CCDC60: variants seen among roughly 807,000 people sequenced by gnomAD.
The protein encoded by CCDC60 is coiled-coil domain-containing protein 60.
CCDC60 carries 54 observed loss-of-function variants against 63.5 expected under a neutral mutation model. The observed-to-expected ratio is 0.85, with a 90% CI of 0.68 to 1.07. CCDC60 has a LOEUF of 1.07. Ranked by LOEUF, CCDC60 falls within the 50% of genes least tolerant of loss-of-function variation. CCDC60 has a pLI of 0.00. For synonymous variants in CCDC60, 206 were observed against 238.8 expected, an observed-to-expected ratio of 0.86 and a Z score of 1.27; for missense variants, 651 against 684.3, an observed-to-expected ratio of 0.95 and a Z score of 0.54.
intron 2 of CCDC60, among the ~76,000 whole-genome samples, chr12:119,430,077 G>A (rs1266039874): frequency 6.6e-6 from 1 of 151,818 alleles, no homozygotes; most frequent in Non-Finnish European, 1.5e-5. Context: ...GAAAGATCTG[G>A]GATGTATTTC....
At chr12:119,508,479 C>CA (rs536569469) in intron 7 of CCDC60, among the ~76,000 whole-genome samples, 9,073 of 136,238 alleles carry the variant, frequency 0.067, 563 homozygotes, top group African/African-American at 0.18. Context: ...GACTCTGTCT[C>CA]AAAAAAAAAA....
At position 119,523,836 on chromosome 12, in the gene CCDC60, T is replaced by A. The variant is rs1290237397; in HGVS notation, c.1229+18T>A. 3.1e-6 allele frequency: 5 copies of A among 1,612,946 alleles called. No homozygotes were observed. The East Asian group carries it at 8.9e-5, about 29-fold the overall frequency. ...CTCATGAAGTAAGCGCACATATATA[T>A]CCATTCATTCAAACAGCATTCACTG... On this transcript the variant is annotated intron_variant, in intron 11 of 13. Transcript: ENST00000327554.
chr12:119,476,619 T>A (rs891507831), intron 3 of CCDC60, among the ~76,000 whole-genome samples: 2 of 152,208 alleles, frequency 1.3e-5, no homozygotes, highest in African/African-American at 2.4e-5. Flanking sequence ...AGCTAAGTGA[T>A]CTTTTCAAAA....
At chr12:119,398,363 G>T (rs1445904739) in intron 1 of CCDC60, among the ~76,000 whole-genome samples, 1 of 152,116 alleles carries the variant, frequency 6.6e-6, no homozygotes, top group Admixed American at 6.5e-5. Context: ...CGCCCACCCG[G>T]AACTCGTGCT....
At chr12:119,533,306 T>C (rs758007960) in intron 13 of CCDC60, among the ~76,000 whole-genome samples, 1 of 152,208 alleles carries the variant, frequency 6.6e-6, no homozygotes, top group Non-Finnish European at 1.5e-5. Context: ...TCCTTGTAGA[T>C]TCTAGATATT....
At chr12:119,494,392 C>T (rs1273683057) in intron 5 of CCDC60, among the ~76,000 whole-genome samples, 1 of 152,184 alleles carries the variant, frequency 6.6e-6, no homozygotes, top group East Asian at 1.9e-4. Flanking sequence ...GGCTCGAGTC[C>T]CCAGAGTCCT....
At chr12:119,423,398 C>T (rs1019508363) in intron 1 of CCDC60, among the ~76,000 whole-genome samples, 3 of 152,216 alleles carry the variant, frequency 2.0e-5, no homozygotes, top group African/African-American at 7.2e-5. Context: ...TGCTTTCACT[C>T]TCATTTCCAT....
intron 12 of CCDC60, among the ~76,000 whole-genome samples, chr12:119,529,074 TAC>T (rs1383118669): frequency 1.3e-5 from 2 of 152,204 alleles, no homozygotes; most frequent in Non-Finnish European, 2.9e-5. Flanking sequence ...TGAAAATTTC[TAC>T]AGATTCTGAG....
intron 3 of CCDC60, among the ~76,000 whole-genome samples, 183 bp downstream of exon 3, chr12:119,472,347 T>G (rs1289543571): frequency 6.6e-6 from 1 of 152,148 alleles, no homozygotes; most frequent in Non-Finnish European, 1.5e-5. Flanking sequence ...TGGTATTCGC[T>G]GGAACATCTT....
chr12:119,336,171 C>T (rs1955468968), intron 1 of CCDC60, among the ~76,000 whole-genome samples: 1 of 151,406 alleles, frequency 6.6e-6, no homozygotes, highest in African/African-American at 2.4e-5. Flanking sequence ...GTGCAGCACA[C>T]CAGCATGGCA....
intron 1 of CCDC60, among the ~76,000 whole-genome samples, chr12:119,421,074 G>A (rs1376463191): frequency 6.6e-6 from 1 of 152,016 alleles, no homozygotes; most frequent in African/African-American, 2.4e-5. Context: ...CATCCCAGCT[G>A]TTTCCCTGAT....
At chr12:119,539,364 G>A (rs1022083316) in intron 13 of CCDC60, among the ~76,000 whole-genome samples, 1 of 152,256 alleles carries the variant, frequency 6.6e-6, no homozygotes, top group African/African-American at 2.4e-5. Flanking sequence ...TGGGGCTGCT[G>A]CCTTTCTTTC....
intron 1 of CCDC60, among the ~76,000 whole-genome samples, chr12:119,353,787 G>T (rs1033166354): frequency 3.3e-5 from 5 of 151,882 alleles, no homozygotes; most frequent in Non-Finnish European, 7.4e-5. Flanking sequence ...AGAAAAAGGG[G>T]TGTGGCTGGG....
At chr12:119,432,519 C>T (rs1950249175) in intron 2 of CCDC60, among the ~76,000 whole-genome samples, 2 of 152,128 alleles carry the variant, frequency 1.3e-5, no homozygotes, top group South Asian at 4.1e-4. Context: ...TAGATGAGGC[C>T]AACTAAGAGC....
chr12:119,359,383 A>T (rs1955749564), intron 1 of CCDC60, among the ~76,000 whole-genome samples: 1 of 152,188 alleles, frequency 6.6e-6, no homozygotes, highest in South Asian at 2.1e-4. Flanking sequence ...CATGGTTTTA[A>T]ATACACCAAG....
intron 1 of CCDC60, among the ~76,000 whole-genome samples, chr12:119,350,121 G>A (rs1426677060): frequency 6.6e-6 from 1 of 152,120 alleles, no homozygotes; most frequent in African/African-American, 2.4e-5. Context: ...GGAGATGTGG[G>A]GTGTGCCCCT....
At chr12:119,522,114 G>C (rs1952544848) in intron 9 of CCDC60, among the ~76,000 whole-genome samples, 1 of 152,124 alleles carries the variant, frequency 6.6e-6, no homozygotes, top group South Asian at 2.1e-4. Flanking sequence ...AAAGGAAAAC[G>C]GTCTTACCAC....
intron 1 of CCDC60, among the ~76,000 whole-genome samples, chr12:119,375,158 G>A (rs781765663): frequency 9.9e-5 from 15 of 152,078 alleles, no homozygotes; most frequent in Admixed American, 3.9e-4. Flanking sequence ...TGTTTCCAGC[G>A]CCTCTGACAG....
At chr12:119,494,741 G>A (rs1236972267) in intron 5 of CCDC60, among the ~76,000 whole-genome samples, 1 of 152,168 alleles carries the variant, frequency 6.6e-6, no homozygotes, top group Admixed American at 6.5e-5. Context: ...AGCACTTTGG[G>A]AGGCCGAGGT....
Sources: allele counts gnomAD v4.1 joint callset (sites outside exome capture counted in the v4.1 genomes callset), GRCh38; gene constraint gnomAD v4.1.1; transcripts MANE v1.5; gene names NCBI Gene and HGNC (gene_info 2026-07-23, HGNC 2026-07-21).